Variants in GALNTL6 observed in about 807,000 individuals in gnomAD.
GALNTL6 encodes polypeptide N-acetylgalactosaminyltransferase-like 6.
Under a neutral mutation model 73.7 loss-of-function variants are expected in GALNTL6, and 46 were observed. That is an observed-to-expected ratio of 0.62 (90% CI 0.49 to 0.80). The LOEUF (loss-of-function observed/expected upper bound fraction) is 0.80, where lower values mean the gene tolerates loss of function less well. Among genes scored for constraint, GALNTL6 ranks in the 30% least tolerant of loss-of-function variants. GALNTL6 has a pLI of 0.00. For missense variants in GALNTL6, 604 were observed against 755.0 expected (o/e 0.80, Z 2.34); for synonymous variants, 259 against 263.7 (o/e 0.98, Z 0.17).
At chr4:172,208,818 A>T (rs1479432971) in intron 2 of GALNTL6, among the ~76,000 whole-genome samples, 1 of 152,162 alleles carries the variant, frequency 6.6e-6, no homozygotes, top group African/African-American at 2.4e-5. Context: ...AATAAGAGTG[A>T]TGAAGTCTCC....
intron 5 of GALNTL6, among the ~76,000 whole-genome samples, chr4:172,682,929 C>CCTG (rs1553971388): frequency 2.6e-5 from 4 of 152,068 alleles, no homozygotes; most frequent in Non-Finnish European, 5.9e-5. Context: ...ATTATATTGT[C>CCTG]TCTGTTGATT....
intron 2 of GALNTL6, among the ~76,000 whole-genome samples, chr4:172,053,157 C>T (rs1366022433): frequency 6.6e-6 from 1 of 152,120 alleles, no homozygotes; most frequent in East Asian, 1.9e-4. Context: ...GATACCTAAA[C>T]ATATTTTTAC....
chr4:172,427,092 T>C lies in GALNTL6; in HGVS notation c.553+78403T>C, dbSNP rs371982742. 1.1e-4 allele frequency among the ~76,000 whole-genome samples: 16 copies of C among 152,304 alleles called. No homozygotes were observed. In the East Asian group the frequency reaches 1.9e-3, roughly 18 times the overall value. ...AGATAAGTCATTCAACCAAGTCTTG[T>C]TTTAACTTCATAAAATGCAAAGTTT... On this transcript the variant is annotated intron_variant, in intron 5 of 12. Coordinates refer to ENST00000506823, the MANE Select transcript of GALNTL6 (RefSeq NM_001034845.3).
In GALNTL6 at chr4:172,798,500, T is replaced by A. The variant is rs530036069; in HGVS notation, c.554-10861T>A. Among the ~76,000 whole-genome samples, 19 of 152,336 alleles carry A rather than the reference T, an allele frequency of 1.2e-4. 1 individual carries two copies. In the East Asian group the frequency reaches 3.7e-3, roughly 29 times the overall value. On this transcript the variant is annotated intron_variant, in intron 5 of 12. Transcript: ENST00000506823. ...TGTGCACCTGCTTCACCTTCTGCTG[T>A]GATTAAGTTTCCTGAGGCTTCCCTA...
At chr4:171,825,441 A>G (rs548180972) in intron 2 of GALNTL6, among the ~76,000 whole-genome samples, 15 of 152,290 alleles carry the variant, frequency 9.8e-5, no homozygotes, top group Admixed American at 4.6e-4. Context: ...CAGATAGCCT[A>G]GCAGAATGGT....
At chr4:172,224,887 A>G (rs1489439449) in intron 2 of GALNTL6, among the ~76,000 whole-genome samples, 2 of 152,146 alleles carry the variant, frequency 1.3e-5, no homozygotes, top group African/African-American at 2.4e-5. Context: ...GTTAGTTTCA[A>G]TGGGCTCTGG....
chr4:172,801,804 A>G (rs553275355), intron 5 of GALNTL6, among the ~76,000 whole-genome samples: 1 of 152,300 alleles, frequency 6.6e-6, no homozygotes, highest in East Asian at 1.9e-4. Flanking sequence ...TGAACTGTGC[A>G]GGTCCCCTTA....
intron 2 of GALNTL6, among the ~76,000 whole-genome samples, chr4:172,021,810 CA>C (rs1741409796): frequency 6.6e-6 from 1 of 151,844 alleles, no homozygotes; most frequent in African/African-American, 2.4e-5. Flanking sequence ...AACTCGTTTT[CA>C]ACAAAGGGGC....
At chr4:171,967,459 T>TTGTTTTTTTTG (rs1164373109) in intron 2 of GALNTL6, among the ~76,000 whole-genome samples, 1 of 151,040 alleles carries the variant, frequency 6.6e-6, no homozygotes, top group African/African-American at 2.4e-5. Flanking sequence ...TTTTTTTTTT[T>TTGTTTTTTTTG]TTTTTTGTAG....
intron 5 of GALNTL6, among the ~76,000 whole-genome samples, chr4:172,412,423 C>G (rs1396689608): frequency 1.3e-5 from 2 of 152,110 alleles, no homozygotes; most frequent in African/African-American, 4.8e-5. Context: ...CTCTGTGGTT[C>G]TTTTATCTCA....
intron 2 of GALNTL6, among the ~76,000 whole-genome samples, chr4:171,827,392 A>C (rs1734851802): frequency 6.6e-6 from 1 of 152,166 alleles, no homozygotes; most frequent in South Asian, 2.1e-4. Context: ...TACTCTTCTC[A>C]AGGCTCAGAA....
At chr4:172,648,162 CA>C (rs1303208480) in intron 5 of GALNTL6, among the ~76,000 whole-genome samples, 1 of 152,098 alleles carries the variant, frequency 6.6e-6, no homozygotes, top group African/African-American at 2.4e-5. Context: ...TTACTGGAGC[CA>C]GACTGGCTAT....
intron 3 of GALNTL6, among the ~76,000 whole-genome samples, chr4:172,265,625 A>C (rs1579314170): frequency 6.6e-6 from 1 of 152,228 alleles, no homozygotes; most frequent in African/African-American, 2.4e-5. Flanking sequence ...TATATTATCT[A>C]AGATTCATAA....
At chr4:172,642,233 T>C (rs1166276320) in intron 5 of GALNTL6, among the ~76,000 whole-genome samples, 1 of 152,038 alleles carries the variant, frequency 6.6e-6, no homozygotes, top group Admixed American at 6.6e-5. Flanking sequence ...TGGGTATATA[T>C]TCAAAGGAAA....
chr4:172,055,958 A>C (rs899764118), intron 2 of GALNTL6, among the ~76,000 whole-genome samples: 1 of 152,194 alleles, frequency 6.6e-6, no homozygotes, highest in African/African-American at 2.4e-5. Context: ...ATGATGATGA[A>C]ATATATAGCA....
At chr4:172,259,888 T>C (rs891828824) in intron 3 of GALNTL6, among the ~76,000 whole-genome samples, 2 of 151,798 alleles carry the variant, frequency 1.3e-5, no homozygotes, top group Admixed American at 1.3e-4. Flanking sequence ...TTTATGTTTT[T>C]GTTTGCTGTG....
At chr4:172,174,337 G>C (rs1734925497) in intron 2 of GALNTL6, among the ~76,000 whole-genome samples, 1 of 152,158 alleles carries the variant, frequency 6.6e-6, no homozygotes, top group Non-Finnish European at 1.5e-5. Flanking sequence ...GTCATTTACT[G>C]AAATGGGCCT....
chr4:171,820,511 T>C (rs1734651286), intron 2 of GALNTL6, among the ~76,000 whole-genome samples: 1 of 152,230 alleles, frequency 6.6e-6, no homozygotes, highest in Non-Finnish European at 1.5e-5. Context: ...TCCACCCAAC[T>C]GTTTTGTTTT....
intron 2 of GALNTL6, among the ~76,000 whole-genome samples, chr4:172,227,659 C>T (rs1284684623): frequency 6.6e-6 from 1 of 152,148 alleles, no homozygotes; most frequent in Non-Finnish European, 1.5e-5. Flanking sequence ...CAGCTATTTA[C>T]AAAAACTTTA....
Sources: allele counts gnomAD v4.1 joint callset (sites outside exome capture counted in the v4.1 genomes callset), GRCh38; gene constraint gnomAD v4.1.1; transcripts MANE v1.5; gene names NCBI Gene and HGNC (gene_info 2026-07-23, HGNC 2026-07-21).